Variants in OTC observed in about 807,000 individuals in gnomAD.
The protein encoded by OTC is ornithine transcarbamylase, mitochondrial.
In OTC, 3 loss-of-function variants were observed where a neutral mutation model predicts 30.3. That is an observed-to-expected ratio of 0.10 (90% CI 0.05 to 0.26). The LOEUF (loss-of-function observed/expected upper bound fraction) is 0.26. Ranked by LOEUF, OTC falls within the 10% of genes least tolerant of loss-of-function variation. The pLI, the probability that OTC is intolerant of heterozygous loss-of-function variation, is 1.00. For synonymous variants in OTC, 111 were observed against 99.7 expected (o/e 1.11, Z -0.67); for missense variants, 194 against 260.3 (o/e 0.75, Z 1.75).
At chrX:38,367,520 A>C (rs1021524279) in intron 2 of OTC, 91 bp downstream of exon 2, 2 of 790,950 alleles carry the variant, frequency 2.5e-6, no homozygotes, top group African/African-American at 4.2e-5. Context: ...AAAATACATT[A>C]AAATTCTTAA....
At chrX:38,368,811 A>G (rs2147324402) in intron 2 of OTC, among the ~76,000 whole-genome samples, 2 of 103,668 alleles carry the variant, frequency 1.9e-5, no homozygotes, top group East Asian at 6.0e-4. Context: ...ACCTGAAATA[A>G]GAGAAAAGGT....
At chrX:38,338,862 C>T in the OTC span, among the ~76,000 whole-genome samples, 4 of 111,918 alleles carry the variant, frequency 3.6e-5, no homozygotes, top group Non-Finnish European at 5.6e-5. Flanking sequence ...TTGCTAGCCA[C>T]GGGACACAGT....
At chrX:38,338,378 G>A in the OTC span, among the ~76,000 whole-genome samples, 1 of 112,162 alleles carries the variant, frequency 8.9e-6, no homozygotes, top group Non-Finnish European at 1.9e-5. Context: ...TTGTTTTGCA[G>A]CTGTGTTTCT....
intron 1 of OTC, among the ~76,000 whole-genome samples, chrX:38,361,773 C>T (rs1449511519): frequency 9.0e-6 from 1 of 111,730 alleles, no homozygotes; most frequent in African/African-American, 3.3e-5. Flanking sequence ...TTACATTGTA[C>T]TAAAAAATAC....
At chrX:38,340,473 G>GTTTTTTTTTTTTTTTTTTTTTTTTT in the OTC span, among the ~76,000 whole-genome samples, 10 of 56,115 alleles carry the variant, frequency 1.8e-4, no homozygotes, top group Non-Finnish European at 2.3e-4. Flanking sequence ...TTTTTTTTTT[G>GTTTTTTTTTTTTTTTTTTTTTTTTT]TTTTTTTTTT....
At chrX:38,410,384 G>T (rs967103401) in intron 8 of OTC, among the ~76,000 whole-genome samples, 1 of 111,643 alleles carries the variant, frequency 9.0e-6, no homozygotes, top group Admixed American at 9.6e-5. Flanking sequence ...AATGTATACT[G>T]CTGCAGCTGT....
At chrX:38,351,470 T>A (rs1047242105), upstream of OTC, among the ~76,000 whole-genome samples, 5 of 111,530 alleles carry the variant, frequency 4.5e-5, no homozygotes, top group African/African-American at 1.6e-4. Flanking sequence ...GGGCTTGTAT[T>A]ATGGATATTT....
chrX:38,390,903 T>C (rs758910359), intron 4 of OTC, among the ~76,000 whole-genome samples: 20 of 112,388 alleles, frequency 1.8e-4, no homozygotes, highest in Non-Finnish European at 3.6e-4. Flanking sequence ...TTGTTTATTG[T>C]CTTTTTTTGT....
chrX:38,413,860 A>AGG (rs374415385), intron 9 of OTC, among the ~76,000 whole-genome samples: 1 of 106,628 alleles, frequency 9.4e-6, no homozygotes, highest in African/African-American at 3.4e-5. Flanking sequence ...AGTGGCGGGT[A>AGG]GGGGGGTTTC....
chrX:38,394,382 T>G (rs2068444131), intron 4 of OTC, among the ~76,000 whole-genome samples: 1 of 112,212 alleles, frequency 8.9e-6, no homozygotes, highest in Non-Finnish European at 1.9e-5. Context: ...ATAATTTTTT[T>G]CCAAGGAGAT....
intron 9 of OTC, among the ~76,000 whole-genome samples, chrX:38,416,668 A>G (rs1450380269): frequency 1.8e-5 from 2 of 112,285 alleles, no homozygotes; most frequent in Non-Finnish European, 3.8e-5. Flanking sequence ...AACAATGAAT[A>G]ATTTTTAGTC....
chrX:38,398,081 T>C (rs780578763), intron 4 of OTC, among the ~76,000 whole-genome samples: 14 of 112,047 alleles, frequency 1.2e-4, no homozygotes, highest in African/African-American at 4.5e-4. Flanking sequence ...AATGCATGCT[T>C]ATCTTTTGAC....
At chrX:38,395,669 C>A in intron 4 of OTC, 1 of 152,796 alleles carries the variant, frequency 6.5e-6, no homozygotes, top group East Asian at 1.6e-4. Context: ...GCAGGTTCCC[C>A]CATTTGGACA....
intron 4 of OTC, among the ~76,000 whole-genome samples, chrX:38,393,265 A>G (rs2068437853): frequency 8.9e-6 from 1 of 112,617 alleles, no homozygotes; most frequent in African/African-American, 3.2e-5. Flanking sequence ...CAAGCCTAAC[A>G]TTTCAGATTT....
At chrX:38,400,716 G>A (rs1184652789) in intron 4 of OTC, among the ~76,000 whole-genome samples, 1 of 112,265 alleles carries the variant, frequency 8.9e-6, no homozygotes, top group Non-Finnish European at 1.9e-5. Flanking sequence ...TCATCAGGTT[G>A]GAACAGCCTG....
chrX:38,332,552 AG>A, the OTC span, among the ~76,000 whole-genome samples: 33 of 80,752 alleles, frequency 4.1e-4, no homozygotes, highest in Non-Finnish European at 5.8e-4. Flanking sequence ...ATAATACTAT[AG>A]TCTATTCCAG....
At chrX:38,401,647 T>G (rs2068489325) in intron 5 of OTC, among the ~76,000 whole-genome samples, 1 of 111,877 alleles carries the variant, frequency 8.9e-6, no homozygotes, top group Admixed American at 9.5e-5. Flanking sequence ...CCAAACCCTT[T>G]TAGCCCATAT....
At chrX:38,414,828 T>C (rs2068562050) in intron 9 of OTC, among the ~76,000 whole-genome samples, 1 of 111,131 alleles carries the variant, frequency 9.0e-6, no homozygotes, top group Non-Finnish European at 1.9e-5. Context: ...GTTGCGCTCT[T>C]TATGTCTCTG....
chrX:38,391,869 A>G (rs1430053714), intron 4 of OTC, among the ~76,000 whole-genome samples: 1 of 111,400 alleles, frequency 9.0e-6, no homozygotes, highest in Non-Finnish European at 1.9e-5. Flanking sequence ...TTCTTGAATG[A>G]TATTTTGTCT....
Sources: gnomAD v4.1 joint callset for allele counts (sites outside exome capture counted in the v4.1 genomes callset) on GRCh38, gnomAD v4.1.1 for gene constraint, MANE v1.5 for transcripts, NCBI Gene and HGNC (gene_info 2026-07-23, HGNC 2026-07-21) for gene names.